Variants in RAB8B observed in about 807,000 individuals in gnomAD.
RAB8B encodes RAB8B, member RAS oncogene family.
RAB8B carries 11 observed loss-of-function variants against 32.0 expected under a neutral mutation model. The ratio of observed to expected loss-of-function variants is 0.34; its 90% confidence interval spans 0.22 to 0.57. The LOEUF (loss-of-function observed/expected upper bound fraction) is 0.57, where lower values mean the gene tolerates loss of function less well. Among genes scored for constraint, RAB8B ranks in the 20% least tolerant of loss-of-function variants. RAB8B has a pLI of 0.86. For synonymous variants in RAB8B, 103 were observed against 89.6 expected, an observed-to-expected ratio of 1.15 and a Z score of -0.85; for missense variants, 190 against 258.5, an observed-to-expected ratio of 0.73 and a Z score of 1.82.
chr15:63,234,717 A>G (rs2037963809), intron 1 of RAB8B, among the ~76,000 whole-genome samples: 1 of 152,280 alleles, frequency 6.6e-6, no homozygotes, highest in Admixed American at 6.5e-5. Context: ...GCGCTGGACA[A>G]TGCAGAAACC....
At chr15:63,246,432 C>T (rs1235748135) in intron 2 of RAB8B, among the ~76,000 whole-genome samples, 1 of 152,092 alleles carries the variant, frequency 6.6e-6, no homozygotes, top group African/African-American at 2.4e-5. Context: ...ACTAGAGCAG[C>T]TCACAGAACT....
chr15:63,243,216 G>A (rs1309253473), intron 1 of RAB8B, among the ~76,000 whole-genome samples: 1 of 152,236 alleles, frequency 6.6e-6, no homozygotes, highest in Non-Finnish European at 1.5e-5. Context: ...GGGAGCAGCT[G>A]TAAATATAGA....
At chr15:63,218,607 C>T (rs914503483) in intron 1 of RAB8B, among the ~76,000 whole-genome samples, 2 of 152,168 alleles carry the variant, frequency 1.3e-5, no homozygotes, top group Non-Finnish European at 2.9e-5. Flanking sequence ...AGGGCATAGT[C>T]CCACTTCATT....
intron 1 of RAB8B, among the ~76,000 whole-genome samples, chr15:63,199,813 T>C (rs1465611734): frequency 1.3e-5 from 2 of 152,090 alleles, no homozygotes; most frequent in African/African-American, 4.8e-5. Flanking sequence ...AATCCTGAGC[T>C]CAAGTGATCT....
At chr15:63,260,976 C>A (rs1186347434) in intron 6 of RAB8B, among the ~76,000 whole-genome samples, 1 of 152,038 alleles carries the variant, frequency 6.6e-6, no homozygotes, top group Non-Finnish European at 1.5e-5. Flanking sequence ...TTTAGGTTGG[C>A]CGATGGGTGT....
intron 1 of RAB8B, among the ~76,000 whole-genome samples, chr15:63,195,963 A>G (rs1373870118): frequency 2.6e-5 from 4 of 152,194 alleles, no homozygotes; most frequent in African/African-American, 9.6e-5. Flanking sequence ...TCTGGTGGGA[A>G]CTATGAGTAA....
intron 1 of RAB8B, among the ~76,000 whole-genome samples, chr15:63,243,532 G>C (rs2038048631): frequency 1.3e-5 from 2 of 152,156 alleles, no homozygotes; most frequent in South Asian, 4.1e-4. Context: ...GGAAATACGT[G>C]AGGGAAGGGT....
chr15:63,231,079 A>C (rs557068762), intron 1 of RAB8B, among the ~76,000 whole-genome samples: 86 of 152,340 alleles, frequency 5.6e-4, no homozygotes, highest in African/African-American at 2.0e-3. Flanking sequence ...ATTTCTGAAC[A>C]AAGTGACTTG....
At chr15:63,223,235 C>T (rs530828049) in intron 1 of RAB8B, among the ~76,000 whole-genome samples, 177 of 152,214 alleles carry the variant, frequency 1.2e-3, no homozygotes, top group African/African-American at 4.1e-3. Context: ...CCTCAGCCTC[C>T]CAAGTAGCTG....
intron 1 of RAB8B, among the ~76,000 whole-genome samples, chr15:63,194,513 G>T (rs1041559310): frequency 2.6e-5 from 4 of 152,204 alleles, no homozygotes; most frequent in African/African-American, 9.7e-5. Flanking sequence ...ATAACTCAGC[G>T]CATAGCTGTC....
intron 3 of RAB8B, among the ~76,000 whole-genome samples, chr15:63,252,200 C>CA (rs1389856943): frequency 6.6e-6 from 1 of 151,320 alleles, no homozygotes; most frequent in Non-Finnish European, 1.5e-5. Flanking sequence ...AGCTTAAAAA[C>CA]ATAAGAAATA....
chr15:63,247,262 T>TG (rs2038079450), intron 2 of RAB8B, among the ~76,000 whole-genome samples: 1 of 152,178 alleles, frequency 6.6e-6, no homozygotes, highest in African/African-American at 2.4e-5. Context: ...AGTTCCCCTA[T>TG]CTAAATACCA....
In RAB8B at chr15:63,265,711, CA is replaced by C. The variant is rs1190400161; in HGVS notation, c.*2096del. 1 of 152,380 alleles carries C rather than the reference CA, an allele frequency of 6.6e-6. No individual in the cohort carries two copies. The allele number at this position is 152,380 out of a possible 1,614,324, so 9.4% of individuals were successfully genotyped here. On this transcript the variant is annotated 3_prime_UTR_variant, in exon 8 of 8. Transcript: ENST00000321437. This position sits in a 1 kb window ranked among gnomAD's most constrained non-coding sequence, Gnocchi z 4.9. ...ATAATCTCAGGGGTTGTCTGCAAAC[CA>C]AAACTGACATATTCTGTGGTTAGCT... is the stretch of plus-strand genomic sequence containing the variant.
chr15:63,220,898 G>A (rs1023966929), intron 1 of RAB8B, among the ~76,000 whole-genome samples: 11 of 152,058 alleles, frequency 7.2e-5, no homozygotes, highest in African/African-American at 1.2e-4. Flanking sequence ...TTAATCAGCC[G>A]TATACAGTGC....
chr15:63,240,361 G>C (rs2038022195), intron 1 of RAB8B, among the ~76,000 whole-genome samples: 2 of 152,152 alleles, frequency 1.3e-5, no homozygotes, highest in African/African-American at 4.8e-5. Context: ...TGGAATTTCA[G>C]AGTTCCCAGA....
chr15:63,247,682 TAA>T (rs938450655), intron 2 of RAB8B, among the ~76,000 whole-genome samples: 2 of 152,240 alleles, frequency 1.3e-5, no homozygotes, highest in African/African-American at 4.8e-5. Flanking sequence ...GAGGCAGGGC[TAA>T]AGAGTAAAGT....
intron 1 of RAB8B, among the ~76,000 whole-genome samples, chr15:63,227,931 C>T (rs1595741947): frequency 6.7e-6 from 1 of 150,200 alleles, no homozygotes; most frequent in East Asian, 2.0e-4. Flanking sequence ...TTTCTCTTTC[C>T]TTTCCTTTCT....
intron 3 of RAB8B, among the ~76,000 whole-genome samples, chr15:63,251,113 T>G (rs2152580819): frequency 6.6e-6 from 1 of 152,104 alleles, no homozygotes; most frequent in Non-Finnish European, 1.5e-5. Context: ...ATTTTATGTG[T>G]ATTTGTTCCC....
chr15:63,255,828 A>G (rs1262208868), intron 4 of RAB8B, among the ~76,000 whole-genome samples: 2 of 152,262 alleles, frequency 1.3e-5, no homozygotes, highest in African/African-American at 4.8e-5. Context: ...ATTTAATCCT[A>G]GATCACATTT....
Sources: allele counts gnomAD v4.1 joint callset (sites outside exome capture counted in the v4.1 genomes callset), GRCh38; gene constraint gnomAD v4.1.1; non-coding constraint Gnocchi (gnomAD v3.1); transcripts MANE v1.5; gene names NCBI Gene and HGNC (gene_info 2026-07-23, HGNC 2026-07-21).